Variants in STRA8 observed in about 807,000 individuals in gnomAD.
STRA8 encodes the protein stimulated by retinoic acid 8.
STRA8 carries 18 observed loss-of-function variants against 37.1 expected under a neutral mutation model. The observed-to-expected ratio is 0.48, with a 90% CI of 0.34 to 0.72. The LOEUF is 0.72. Among genes scored for constraint, STRA8 ranks in the 30% least tolerant of loss-of-function variants. STRA8 has a pLI of 0.01. For synonymous variants in STRA8, 168 were observed against 162.9 expected (o/e 1.03, Z -0.24); for missense variants, 357 against 410.4 (o/e 0.87, Z 1.13).
In STRA8 at chr7:135,246,249, C is replaced by A; in HGVS notation, c.594-168C>A. ...ATGTCCTTCATGGCCCCCAGGAAGG[C>A]TGCTGCTCTCCAAGGGCCAGGGGCG... On this transcript the variant is annotated intron_variant, in intron 5 of 8. Transcript: ENST00000662584. This position sits in a 1 kb window ranked among gnomAD's most constrained non-coding sequence, Gnocchi z 5.4. 1 of 900,718 alleles carries A rather than the reference C, an allele frequency of 1.1e-6. No individual in the cohort carries two copies. Among genetic ancestry groups the A allele is most frequent in the Non-Finnish European group, 1.7e-6 (1 of 595,798 alleles). The allele number at this position is 900,718 out of a possible 1,614,324, so 55.8% of individuals were successfully genotyped here. A position where few individuals can be genotyped will look rare whatever the true frequency, so the allele number is the denominator to read the frequency against.
intron 6 of STRA8, 43 bp from the exon 7 acceptor site, chr7:135,251,753 G>A (rs752016906): frequency 1.9e-6 from 3 of 1,602,784 alleles, no homozygotes; most frequent in African/African-American, 1.3e-5. Context: ...GCATGAAATT[G>A]TCAAGTTATT....
intron 6 of STRA8, among the ~76,000 whole-genome samples, chr7:135,251,494 T>C (rs559145751): frequency 6.6e-6 from 1 of 152,264 alleles, no homozygotes; most frequent in South Asian, 2.1e-4. Context: ...GCTCTGGTAA[T>C]TGCATCTCAC....
rs1290053898 is a variant in STRA8, at chr7:135,246,705, G to A, written c.879+3G>A. ...CGCTGGTCTCCACGCCCGAGGAGGTGAGCAGGCCCACCGGGGTGGCGTGGA... is the reference window on the plus strand; with the variant it reads ...CGCTGGTCTCCACGCCCGAGGAGGTAAGCAGGCCCACCGGGGTGGCGTGGA... On this transcript the variant is annotated splice_donor_region_variant and intron_variant, in intron 6 of 8. Coordinates refer to ENST00000662584, the MANE Select transcript of STRA8 (RefSeq NM_001394401.1). This position sits in a 1 kb window ranked among gnomAD's most constrained non-coding sequence, Gnocchi z 5.4. 1 of 1,516,176 alleles carries A rather than the reference G, an allele frequency of 6.6e-7. No individual in the cohort carries two copies. 93.9% of individuals were successfully genotyped at this position (1,516,176 alleles called of 1,614,324 possible). A position where few individuals can be genotyped will look rare whatever the true frequency, so the allele number is the denominator to read the frequency against.
At chr7:135,239,698 T>C (rs1832431787) in intron 1 of STRA8, among the ~76,000 whole-genome samples, 1 of 152,110 alleles carries the variant, frequency 6.6e-6, no homozygotes, top group Non-Finnish European at 1.5e-5. Context: ...AACAATTACA[T>C]GTCAGTCCCA....
In STRA8 at chr7:135,254,485, C is replaced by T. The variant is rs535226360; in HGVS notation, c.954-629C>T. On this transcript the variant is annotated intron_variant, in intron 7 of 8. Coordinates refer to ENST00000662584, the MANE Select transcript of STRA8 (RefSeq NM_001394401.1). The stretch of plus-strand genomic sequence containing the variant: ...TTAGCGGGCATTCCTAAATGTTGCA[C>T]GAGCCCCTGCCACCTTTCCTAAAGG... Among the ~76,000 whole-genome samples, 10 of 152,304 alleles carry T rather than the reference C, an allele frequency of 6.6e-5. No homozygotes were observed. In the South Asian group the frequency reaches 1.2e-3, roughly 19 times the overall value.
chr7:135,252,101 G>A (rs533730817), intron 7 of STRA8, among the ~76,000 whole-genome samples: 11 of 151,586 alleles, frequency 7.3e-5, no homozygotes, highest in Non-Finnish European at 1.5e-4. Flanking sequence ...GATGGGTGTT[G>A]TATTAGTCCA....
chr7:135,242,786 G>A lies in STRA8; in HGVS notation c.198G>A (p.Gln66=). The change falls in exon 3 of 9, where the codon CAG becomes CAA. Residue 66 remains glutamine (Q), a synonymous_variant. Transcript: ENST00000662584. ...SQSDLIASKW[Q]VLNKAKSHIP... ...TTGTCTCTGTCTATCCTCAGTGGCAGGTTCTGAATAAGGCAAAGAGTCATA... is the reference window on the plus strand; with the variant it reads ...TTGTCTCTGTCTATCCTCAGTGGCAAGTTCTGAATAAGGCAAAGAGTCATA... 6.2e-7 allele frequency: 1 copy of A among 1,614,150 alleles called. No individual in the cohort carries two copies. The highest frequency in any genetic ancestry group is 8.5e-7 in the Non-Finnish European group (1 of 1,179,982).
intron 8 of STRA8, 47 bp from the exon 9 acceptor site, chr7:135,258,371 A>G (rs575217992): frequency 5.2e-6 from 8 of 1,525,262 alleles, no homozygotes; most frequent in South Asian, 1.2e-5. Context: ...CCTCGGGCCC[A>G]AGACCCACAG....
intron 1 of STRA8, among the ~76,000 whole-genome samples, chr7:135,239,805 A>G (rs1234507188): frequency 6.6e-6 from 1 of 152,168 alleles, no homozygotes; most frequent in Non-Finnish European, 1.5e-5. Context: ...GAGGCAAGAT[A>G]AGGCAAAATG....
rs1344216708 is a variant in STRA8 at position 135,246,486 on chromosome 7, G to A, written c.663G>A (p.Ala221=). 6.3e-7 allele frequency: 1 copy of A among 1,585,862 alleles called. No individual in the cohort carries two copies. Among genetic ancestry groups the A allele is most frequent in the Non-Finnish European group, 8.6e-7 (1 of 1,165,426 alleles). The change falls in exon 6 of 9, where the codon GCG becomes GCA. Residue 221 remains alanine (A), a synonymous_variant. Coordinates refer to ENST00000662584, the MANE Select transcript of STRA8 (RefSeq NM_001394401.1). The surrounding 1 kb of genome is among the most constrained non-coding windows in gnomAD (Gnocchi z 5.4). ...GCGGGATCATTACCCCGCAGGAGGC[G>A]GCGCTGCCCATCGTCTCCGCGGCCA... ...TGSGIITPQE[A]ALPIVSAAIS...
Position 135,258,414 on chromosome 7 carries a change from G to T in STRA8, c.1066-4G>T, listed in dbSNP as rs751734645. 2 of 1,599,202 alleles carry T rather than the reference G, an allele frequency of 1.3e-6. No individual in the cohort carries two copies. Among genetic ancestry groups the T allele is most frequent in the South Asian group, 1.1e-5 (1 of 88,004 alleles). ...GTGACCCTCTTCCACCCTGTGTCTT[G>T]CAGGAAGCATCCTTTCCCGTTGATG... On this transcript the variant is annotated splice_region_variant and splice_polypyrimidine_tract_variant and intron_variant, in intron 8 of 8. Coordinates refer to ENST00000662584, the MANE Select transcript of STRA8 (RefSeq NM_001394401.1).
At chr7:135,240,488 G>GC (rs1562969204) in intron 1 of STRA8, 31 bp from the exon 2 acceptor site, 3 of 1,417,712 alleles carry the variant, frequency 2.1e-6, no homozygotes, top group Middle Eastern at 1.8e-4. Context: ...ATTATCTAGG[G>GC]CAAAAAAAAA....
intron 1 of STRA8, among the ~76,000 whole-genome samples, chr7:135,237,702 A>G (rs1452680787): frequency 6.6e-6 from 1 of 152,042 alleles, no homozygotes; most frequent in East Asian, 1.9e-4. Flanking sequence ...GACCAGCCTG[A>G]CCAACACGGT....
intron 7 of STRA8, among the ~76,000 whole-genome samples, chr7:135,253,413 C>T (rs1342023385): frequency 6.6e-6 from 1 of 152,154 alleles, no homozygotes; most frequent in Non-Finnish European, 1.5e-5. Context: ...AGCTTGCGGG[C>T]AGGTTCTCCC....
upstream of STRA8, chr7:135,232,150 G>T (rs928821186): frequency 9.6e-6 from 10 of 1,037,588 alleles, no homozygotes; most frequent in Non-Finnish European, 1.5e-5. Flanking sequence ...TACATGAAAG[G>T]TTGAGGCAGG....
At chr7:135,240,455 T>C in intron 1 of STRA8, 64 bp from the exon 2 acceptor site, 2 of 1,543,108 alleles carry the variant, frequency 1.3e-6, no homozygotes, top group South Asian at 2.4e-5. Flanking sequence ...TTTGCCTTCC[T>C]TTTCCTTTAA....
At chr7:135,241,399 AC>A (rs541064013) in intron 2 of STRA8, among the ~76,000 whole-genome samples, 34 of 152,054 alleles carry the variant, frequency 2.2e-4, no homozygotes, top group Admixed American at 1.9e-3. Flanking sequence ...CTTTTTAGGC[AC>A]CACTAGAATC....
At chr7:135,241,997 AT>A (rs928207731) in intron 2 of STRA8, among the ~76,000 whole-genome samples, 4 of 149,830 alleles carry the variant, frequency 2.7e-5, no homozygotes, top group Non-Finnish European at 5.9e-5. Flanking sequence ...TGCTGTTACC[AT>A]TTTGACTTTA....
chr7:135,258,509 C>G lies in STRA8; in HGVS notation c.*17C>G. On this transcript the variant is annotated 3_prime_UTR_variant, in exon 9 of 9. Transcript: ENST00000662584. ...GATTTGTAATGCAGAAGAGGAGCTG[C>G]GAGGGGAGGGACTGAATGAGGTGGG... 1 of 1,574,934 alleles carries G rather than the reference C, an allele frequency of 6.3e-7. No individual in the cohort carries two copies. The highest frequency in any genetic ancestry group is 8.6e-7 in the Non-Finnish European group (1 of 1,158,228).
Sources: gnomAD v4.1 joint callset for allele counts (sites outside exome capture counted in the v4.1 genomes callset) on GRCh38, gnomAD v4.1.1 for gene constraint, Gnocchi (gnomAD v3.1) non-coding constraint, MANE v1.5 for transcripts, NCBI Gene and HGNC (gene_info 2026-07-23, HGNC 2026-07-21) for gene names.